The following PKIB variants were observed in gnomAD, a reference collection of about 807,000 sequenced individuals.
PKIB encodes cAMP-dependent protein kinase inhibitor beta.
Under a neutral mutation model 4.5 loss-of-function variants are expected in PKIB, and 2 were observed. That is an observed-to-expected ratio of 0.44 (90% confidence interval 0.18 to 1.39). The LOEUF (loss-of-function observed/expected upper bound fraction) is 1.39, where lower values mean the gene tolerates loss of function less well. Ranked by LOEUF, PKIB falls within the 40% of genes most tolerant of loss-of-function variation. The probability of loss-of-function intolerance (pLI) is 0.27; values close to 1 mark genes in which losing one functional copy is unlikely to be tolerated. For synonymous variants in PKIB, 38 were observed against 36.0 expected, an observed-to-expected ratio of 1.06 and a Z score of -0.20; for missense variants, 94 against 92.6, an observed-to-expected ratio of 1.02 and a Z score of -0.06.
chr6:122,628,385 T>A (rs1442181957), intron 1 of PKIB, among the ~76,000 whole-genome samples: 1 of 152,244 alleles, frequency 6.6e-6, no homozygotes, highest in East Asian at 1.9e-4. Flanking sequence ...TGTCTTATGA[T>A]TACATATTCT....
intron 2 of PKIB, among the ~76,000 whole-genome samples, chr6:122,562,503 T>C (rs1297046385): frequency 6.6e-6 from 1 of 152,230 alleles, no homozygotes; most frequent in African/African-American, 2.4e-5. Context: ...TGTCTAGGTC[T>C]CTAGCAAGGC....
At chr6:122,512,774 C>T (rs1282134661) in intron 2 of PKIB, among the ~76,000 whole-genome samples, 2 of 152,200 alleles carry the variant, frequency 1.3e-5, no homozygotes, top group African/African-American at 4.8e-5. Flanking sequence ...AAGACCAAGA[C>T]AGCTATGTGT....
chr6:122,573,937 GAAAT>G (rs1247413565), intron 2 of PKIB, among the ~76,000 whole-genome samples: 1 of 152,106 alleles, frequency 6.6e-6, no homozygotes, highest in Non-Finnish European at 1.5e-5. Context: ...TCAGACAAAA[GAAAT>G]AAATAAAGGG....
At chr6:122,592,220 C>T (rs981514813) in intron 3 of PKIB, among the ~76,000 whole-genome samples, 2 of 151,920 alleles carry the variant, frequency 1.3e-5, no homozygotes, top group African/African-American at 4.8e-5. Context: ...GCTGGCAGGG[C>T]ATCATTTACA....
intron 2 of PKIB, among the ~76,000 whole-genome samples, chr6:122,664,100 G>C (rs1164708615): frequency 6.6e-6 from 1 of 152,222 alleles, no homozygotes; most frequent in African/African-American, 2.4e-5. Flanking sequence ...TATGACAACA[G>C]TAATACTGCA....
At chr6:122,504,827 A>G (rs1296682388) in intron 2 of PKIB, among the ~76,000 whole-genome samples, 1 of 152,204 alleles carries the variant, frequency 6.6e-6, no homozygotes, top group Non-Finnish European at 1.5e-5. Flanking sequence ...CAATGCAGAC[A>G]CTTTTCAGGT....
intron 2 of PKIB, among the ~76,000 whole-genome samples, chr6:122,534,935 G>A (rs1245317768): frequency 6.6e-6 from 1 of 152,154 alleles, no homozygotes; most frequent in Admixed American, 6.5e-5. Context: ...CCAGATTTGT[G>A]ATATCCTCTC....
chr6:122,513,590 AG>A (rs1234087765), intron 2 of PKIB, among the ~76,000 whole-genome samples: 1 of 152,178 alleles, frequency 6.6e-6, no homozygotes, highest in African/African-American at 2.4e-5. Context: ...TAGTAAACAT[AG>A]TACCCAAAGG....
In PKIB at chr6:122,596,354, G is replaced by A. The variant is rs9490489; in HGVS notation, c.-161+10347G>A. ...CATCGGTGCAGGCTTGGGGAGAGAAGGCAGGGTGACAGGAGTGGAGACCAT... is the reference window on the plus strand; with the variant it reads ...CATCGGTGCAGGCTTGGGGAGAGAAAGCAGGGTGACAGGAGTGGAGACCAT... On this transcript the variant is annotated intron_variant, in intron 3 of 6. Coordinates refer to the PKIB transcript ENST00000392491. 5.4e-4 allele frequency among the ~76,000 whole-genome samples: 82 copies of A among 152,286 alleles called. 1 individual carries two copies. Among genetic ancestry groups the A allele is most frequent in the African/African-American group, 2.0e-3 (82 of 41,562 alleles).
intron 2 of PKIB, among the ~76,000 whole-genome samples, chr6:122,655,590 TCTA>T (rs1776742539): frequency 6.6e-6 from 1 of 152,134 alleles, no homozygotes; most frequent in African/African-American, 2.4e-5. Context: ...AGCTGCCCAC[TCTA>T]TGGGATTCTG....
intron 3 of PKIB, among the ~76,000 whole-genome samples, chr6:122,703,338 G>A (rs1778911641): frequency 6.6e-6 from 1 of 152,072 alleles, no homozygotes; most frequent in Admixed American, 6.6e-5. Context: ...TATGTCGTAT[G>A]TTAAGCAAAC....
chr6:122,657,909 T>C (rs1465668898), intron 2 of PKIB, among the ~76,000 whole-genome samples: 2 of 152,206 alleles, frequency 1.3e-5, no homozygotes, highest in Non-Finnish European at 2.9e-5. Flanking sequence ...TTGTCATATA[T>C]CAGATATGTG....
chr6:122,532,890 G>A (rs1420114323), intron 2 of PKIB, among the ~76,000 whole-genome samples: 1 of 152,088 alleles, frequency 6.6e-6, no homozygotes. Flanking sequence ...TGGGATCACC[G>A]AATCACATGT....
intron 2 of PKIB, among the ~76,000 whole-genome samples, chr6:122,565,956 C>G (rs1286947446): frequency 6.6e-6 from 1 of 152,154 alleles, no homozygotes; most frequent in Non-Finnish European, 1.5e-5. Context: ...TTTCTTCACT[C>G]TTAGGCAACA....
At chr6:122,710,169 G>A (rs1779215488) in intron 3 of PKIB, among the ~76,000 whole-genome samples, 1 of 152,134 alleles carries the variant, frequency 6.6e-6, no homozygotes, top group Non-Finnish European at 1.5e-5. Context: ...AGAGGGATAT[G>A]AAGCCATTTC....
At chr6:122,628,197 C>A (rs1775543411) in intron 1 of PKIB, among the ~76,000 whole-genome samples, 1 of 152,096 alleles carries the variant, frequency 6.6e-6, no homozygotes, top group African/African-American at 2.4e-5. Flanking sequence ...GCCACCAAGT[C>A]CGGCTAATTT....
chr6:122,507,702 A>G (rs1163080755), intron 2 of PKIB, among the ~76,000 whole-genome samples: 1 of 150,064 alleles, frequency 6.7e-6, no homozygotes, highest in Admixed American at 6.6e-5. Flanking sequence ...TGTTTATGGT[A>G]GAGTTTAAGA....
chr6:122,676,803 C>T (rs1240540199), intron 3 of PKIB, among the ~76,000 whole-genome samples: 2 of 152,178 alleles, frequency 1.3e-5, no homozygotes, highest in Non-Finnish European at 2.9e-5. Context: ...TTTAATTACA[C>T]ATTTTGCGGC....
At chr6:122,474,569 T>G (rs1338941237) in intron 1 of PKIB, among the ~76,000 whole-genome samples, 2 of 152,222 alleles carry the variant, frequency 1.3e-5, no homozygotes, top group Non-Finnish European at 2.9e-5. Context: ...AAGGTTATGT[T>G]TGTTGTCAAG....
Sources: gnomAD v4.1 joint callset for allele counts (sites outside exome capture counted in the v4.1 genomes callset) on GRCh38, gnomAD v4.1.1 for gene constraint, MANE v1.5 for transcripts, NCBI Gene and HGNC (gene_info 2026-07-23, HGNC 2026-07-21) for gene names.